Variants in CKAP5 observed in about 807,000 individuals in gnomAD.
The protein encoded by CKAP5 is cytoskeleton-associated protein 5.
A neutral mutation model predicts 232.8 loss-of-function variants in CKAP5; 27 were observed. The ratio of observed to expected loss-of-function variants is 0.12; its 90% CI spans 0.09 to 0.16. The LOEUF is 0.16. Ranked by LOEUF, CKAP5 falls within the 10% of genes least tolerant of loss-of-function variation. The probability of loss-of-function intolerance (pLI) is 1.00; values close to 1 mark genes in which losing one functional copy is unlikely to be tolerated. For synonymous variants in CKAP5, 785 were observed against 841.1 expected, an observed-to-expected ratio of 0.93 and a Z score of 1.16; for missense variants, 1,838 against 2,424.7, an observed-to-expected ratio of 0.76 and a Z score of 5.08.
At chr11:46,784,789 A>C in intron 16 of CKAP5, 116 bp from the exon 17 acceptor site, 1 of 660,430 alleles carries the variant, frequency 1.5e-6, no homozygotes, top group Non-Finnish European at 2.5e-6. Context: ...AAACACAACT[A>C]AAGTAAAATC....
chr11:46,778,424 T>G, intron 21 of CKAP5, 36 bp downstream of exon 21: 3 of 1,612,700 alleles, frequency 1.9e-6, no homozygotes, highest in Admixed American at 1.7e-5. Flanking sequence ...TTCAATACAA[T>G]GAATGAAATA....
At chr11:46,843,272 G>A (rs901950006) in intron 1 of CKAP5, among the ~76,000 whole-genome samples, 14 of 152,136 alleles carry the variant, frequency 9.2e-5, no homozygotes, top group African/African-American at 3.4e-4. Context: ...AATGGGCAAG[G>A]GTCTCTTGGC....
chr11:46,831,476 G>A (rs938851018), intron 1 of CKAP5, among the ~76,000 whole-genome samples: 1 of 152,120 alleles, frequency 6.6e-6, no homozygotes, highest in African/African-American at 2.4e-5. Flanking sequence ...AGTGCTTTGT[G>A]CTCTAGTGTA....
intron 38 of CKAP5, 146 bp downstream of exon 38, chr11:46,752,489 T>G: frequency 1.9e-6 from 1 of 520,164 alleles, no homozygotes; most frequent in Non-Finnish European, 3.2e-6. Flanking sequence ...AATTTATTAA[T>G]ATTTTTATTA....
chr11:46,751,234 T>G lies in CKAP5; in HGVS notation c.5344A>C (p.Ile1782Leu). The change falls in exon 40 of 44, where the codon ATC becomes CTC. Residue 1782 changes from isoleucine (I) to leucine (L), a missense_variant. By Grantham distance (5) the Ile-to-Leu change is conservative. Around this residue, in one of 6 missense-constraint regions of CKAP5, gnomAD observed 579 missense variants for 843.2 expected, o/e 0.69. Transcript: ENST00000529230. Reference protein sequence around the residue: ...GPKILDHLTMIDNKNESELEA... With the variant: ...GPKILDHLTMLDNKNESELEA... ...AGCTCAGACTCGTTTTTGTTGTCGATCATCGTTAGGTGGTCCAGGATCTGA... is the reference window on the plus strand; with the variant it reads ...AGCTCAGACTCGTTTTTGTTGTCGAGCATCGTTAGGTGGTCCAGGATCTGA... 4 of 1,614,206 alleles carry G rather than the reference T, an allele frequency of 2.5e-6. No individual in the cohort carries two copies.
chr11:46,806,364 T>C (rs1447328973), intron 8 of CKAP5, among the ~76,000 whole-genome samples: 1 of 152,200 alleles, frequency 6.6e-6, no homozygotes, highest in Admixed American at 6.5e-5. Flanking sequence ...CTTTGACACA[T>C]CGAGAATTCA....
At chr11:46,749,607 GAGAA>G (rs1293571421) in intron 42 of CKAP5, among the ~76,000 whole-genome samples, 2 of 151,958 alleles carry the variant, frequency 1.3e-5, no homozygotes, top group South Asian at 2.1e-4. Context: ...AAGGAAATAA[GAGAA>G]AGAGAGAAGA....
chr11:46,762,864 G>T, intron 30 of CKAP5, 102 bp from the exon 31 acceptor site: 2 of 1,441,658 alleles, frequency 1.4e-6, no homozygotes, highest in Non-Finnish European at 1.9e-6. Context: ...ATAGGGATAA[G>T]TAGGGAAGGT....
intron 17 of CKAP5, 57 bp downstream of exon 17, chr11:46,784,431 A>T: frequency 7.1e-7 from 1 of 1,403,978 alleles, no homozygotes; most frequent in Non-Finnish European, 9.8e-7. Flanking sequence ...TAGTAAGCTT[A>T]AAGTTTGGGG....
At chr11:46,748,809 C>T (rs57704144) in intron 42 of CKAP5, among the ~76,000 whole-genome samples, 20,909 of 151,540 alleles carry the variant, frequency 0.14, 2,393 homozygotes, top group East Asian at 0.6. Flanking sequence ...ATCAGGCTTA[C>T]GGGATGATCA....
At chr11:46,752,581 T>C in intron 38 of CKAP5, 54 bp downstream of exon 38, 2 of 1,406,090 alleles carry the variant, frequency 1.4e-6, no homozygotes, top group Non-Finnish European at 1.0e-6. Flanking sequence ...CCCATACTTT[T>C]AACAAAGTGA....
intron 38 of CKAP5, among the ~76,000 whole-genome samples, chr11:46,752,191 TATACACAC>T (rs1305888645): frequency 2.7e-5 from 2 of 73,166 alleles, no homozygotes; most frequent in South Asian, 5.8e-4. Context: ...TATATATATA[TATACACAC>T]ACACACACAC....
chr11:46,759,205 C>T, intron 34 of CKAP5, 64 bp downstream of exon 34: 9 of 1,540,780 alleles, frequency 5.8e-6, no homozygotes, highest in South Asian at 1.2e-5. Flanking sequence ...ACAAAGGGCA[C>T]ATTTCACGTA....
At chr11:46,815,935 T>C (rs565560592) in intron 4 of CKAP5, among the ~76,000 whole-genome samples, 28 of 152,238 alleles carry the variant, frequency 1.8e-4, no homozygotes, top group East Asian at 1.9e-4. Flanking sequence ...CAAGCGAGAA[T>C]TACCCCCTGA....
chr11:46,758,540 G>C (rs1592437276), intron 35 of CKAP5, among the ~76,000 whole-genome samples: 1 of 152,050 alleles, frequency 6.6e-6, no homozygotes, highest in East Asian at 1.9e-4. Flanking sequence ...TATAAAAAAT[G>C]CAAGGCTTAG....
At position 46,778,449 on chromosome 11, in the gene CKAP5, C is replaced by T. The variant is rs1159494905; in HGVS notation, c.2573+11G>A. ...TGAATGAAATAAACCATTTCACAGA[C>T]TGGAACCTACCTGATCTCCGTCCTC... On this transcript the variant is annotated intron_variant, in intron 21 of 43. Coordinates refer to ENST00000529230, the MANE Select transcript of CKAP5 (RefSeq NM_001008938.4). 6.2e-7 allele frequency: 1 copy of T among 1,614,102 alleles called. No homozygotes were observed. Among genetic ancestry groups the T allele is most frequent in the Admixed American group, 1.7e-5 (1 of 60,012 alleles).
intron 12 of CKAP5, 58 bp from the exon 13 acceptor site, chr11:46,795,834 C>A: frequency 1.4e-6 from 2 of 1,393,770 alleles, no homozygotes; most frequent in Non-Finnish European, 1.0e-6. Context: ...ACAACCACTA[C>A]GTTATTACAT....
chr11:46,750,006 G>C (rs1467437777), intron 42 of CKAP5, among the ~76,000 whole-genome samples: 1 of 152,118 alleles, frequency 6.6e-6, no homozygotes, highest in Admixed American at 6.6e-5. Context: ...AGTGAGACTG[G>C]AGGAAAACAA....
intron 7 of CKAP5, 95 bp downstream of exon 7, chr11:46,809,305 G>A (rs544599943): frequency 1.3e-6 from 1 of 753,374 alleles, no homozygotes; most frequent in Non-Finnish European, 2.2e-6. Context: ...GGGATGGAAG[G>A]GGGTGCATCA....
Sources: gnomAD v4.1 joint callset for allele counts (sites outside exome capture counted in the v4.1 genomes callset) on GRCh38, gnomAD v4.1.1 for gene constraint, gnomAD v4.1.1 regional missense constraint, MANE v1.5 for transcripts, NCBI Gene and HGNC (gene_info 2026-07-23, HGNC 2026-07-21) for gene names.